Variants in FAM135B observed in about 807,000 individuals in gnomAD.
FAM135B encodes the protein family with sequence similarity 135 member B, also known as protein FAM135B.
FAM135B carries 43 observed loss-of-function variants against 127.7 expected under a neutral mutation model. The ratio of observed to expected loss-of-function variants is 0.34; its 90% CI spans 0.26 to 0.43. The LOEUF (loss-of-function observed/expected upper bound fraction) is 0.43. FAM135B is among the 20% of genes least tolerant of loss of function. The pLI is 1.00. For synonymous variants in FAM135B, 670 were observed against 665.1 expected (o/e 1.01, Z -0.11); for missense variants, 1,558 against 1,725.6 (o/e 0.90, Z 1.72).
At chr8:138,301,226 C>T (rs1048100899) in intron 3 of FAM135B, among the ~76,000 whole-genome samples, 2 of 152,170 alleles carry the variant, frequency 1.3e-5, no homozygotes, top group Admixed American at 6.5e-5. Flanking sequence ...CAGTTCTCCC[C>T]ACACTGATCC....
intron 1 of FAM135B, among the ~76,000 whole-genome samples, chr8:138,422,919 G>T (rs1406658471): frequency 1.3e-5 from 2 of 152,120 alleles, no homozygotes; most frequent in African/African-American, 4.8e-5. Context: ...ATACACCATG[G>T]AATACGATGC....
At position 138,372,648 on chromosome 8, in the gene FAM135B, C is replaced by A. The variant is rs543994153; in HGVS notation, c.-19-4646G>T. ...TGCAATAATTAAAACTATTAACATA[C>A]ATAAGGCACTCAGAATAGAGACTGG... On this transcript the variant is annotated intron_variant, in intron 1 of 19. Transcript: ENST00000395297. Among the ~76,000 whole-genome samples the A allele has an allele frequency of 4.6e-5, 7 of 152,308 alleles. No individual in the cohort carries two copies. The South Asian group carries it at 1.5e-3, about 32-fold the overall frequency.
At position 138,265,136 on chromosome 8, in the gene FAM135B, C is replaced by T. The variant is rs532669308; in HGVS notation, c.297+567G>A. ...TGTTTCCCCTTGTTCGATGCCCTTC[C>T]TCTTTCTTTCTCTGGTGAATTCAGC... On this transcript the variant is annotated intron_variant, in intron 4 of 19. Transcript: ENST00000395297. Among the ~76,000 whole-genome samples, 5 of 152,324 alleles carry T rather than the reference C, an allele frequency of 3.3e-5. No individual in the cohort carries two copies. The South Asian group carries it at 1.0e-3, about 32-fold the overall frequency.
At chr8:138,362,283 C>CA (rs1830473129) in intron 2 of FAM135B, among the ~76,000 whole-genome samples, 1 of 99,180 alleles carries the variant, frequency 1.0e-5, no homozygotes. Context: ...ACCCCCATAT[C>CA]TTTTTTTTTT....
intron 9 of FAM135B, among the ~76,000 whole-genome samples, chr8:138,183,325 C>T (rs1403777813): frequency 6.6e-6 from 1 of 152,134 alleles, no homozygotes; most frequent in Non-Finnish European, 1.5e-5. Context: ...CCCAAGATTA[C>T]AGATAGTAAG....
chr8:138,388,290 T>C (rs985477615), intron 1 of FAM135B, among the ~76,000 whole-genome samples: 2 of 152,196 alleles, frequency 1.3e-5, no homozygotes, highest in African/African-American at 4.8e-5. Flanking sequence ...CATTCACTGC[T>C]GGTGGGAATG....
intron 1 of FAM135B, among the ~76,000 whole-genome samples, chr8:138,386,703 A>G (rs1172552787): frequency 6.6e-6 from 1 of 152,208 alleles, no homozygotes; most frequent in Non-Finnish European, 1.5e-5. Context: ...TAATTTTTTA[A>G]AACAATCTTC....
Position 138,405,095 on chromosome 8 carries a change from CT to C in FAM135B, c.-19-37094del, listed in dbSNP as rs1180652911. Among the ~76,000 whole-genome samples, 3 of 152,140 alleles carry C rather than the reference CT, an allele frequency of 2.0e-5. No homozygotes were observed. In the East Asian group the frequency reaches 5.8e-4, roughly 29 times the overall value. ...AAAACTTGAAAGTCAAAATTACCCC[CT>C]GATCCACGGGTTTCAGAATTGATGT... On this transcript the variant is annotated intron_variant, in intron 1 of 19. Transcript: ENST00000395297.
chr8:138,321,252 A>T (rs751255815), intron 2 of FAM135B, among the ~76,000 whole-genome samples: 15 of 152,148 alleles, frequency 9.9e-5, no homozygotes, highest in Non-Finnish European at 1.8e-4. Flanking sequence ...TTCATTAAAG[A>T]TATAATGTCT....
intron 3 of FAM135B, among the ~76,000 whole-genome samples, chr8:138,268,893 T>C (rs915954608): frequency 6.6e-6 from 1 of 152,154 alleles, no homozygotes; most frequent in Non-Finnish European, 1.5e-5. Flanking sequence ...TCTTCTTTTG[T>C]GGGTGTCAGC....
At chr8:138,229,962 A>G (rs1361992450) in intron 7 of FAM135B, among the ~76,000 whole-genome samples, 2 of 152,204 alleles carry the variant, frequency 1.3e-5, no homozygotes, top group Non-Finnish European at 2.9e-5. Flanking sequence ...GATTATTACA[A>G]TTCAAAGTGA....
chr8:138,313,615 CA>C (rs1195126474), intron 2 of FAM135B, among the ~76,000 whole-genome samples: 1 of 148,468 alleles, frequency 6.7e-6, no homozygotes, highest in Non-Finnish European at 1.5e-5. Flanking sequence ...GTGATCCTCC[CA>C]CTTCGGCTCC....
chr8:138,479,415 C>T (rs146336166), intron 1 of FAM135B, among the ~76,000 whole-genome samples: 9 of 152,194 alleles, frequency 5.9e-5, no homozygotes, highest in African/African-American at 2.2e-4. Context: ...CCACTCCCCT[C>T]GTCTAGGGGC....
chr8:138,486,621 A>G (rs1177289823), intron 1 of FAM135B, among the ~76,000 whole-genome samples: 1 of 152,184 alleles, frequency 6.6e-6, no homozygotes, highest in Non-Finnish European at 1.5e-5. Flanking sequence ...CCTGGCCTCA[A>G]GGAGGAAGAC....
chr8:138,208,510 T>A (rs1817888593), intron 7 of FAM135B, among the ~76,000 whole-genome samples: 1 of 152,182 alleles, frequency 6.6e-6, no homozygotes, highest in African/African-American at 2.4e-5. Context: ...TTCTTTCTGA[T>A]CCCGTTTATT....
chr8:138,159,569 A>G (rs955626069), intron 12 of FAM135B, among the ~76,000 whole-genome samples: 4 of 138,368 alleles, frequency 2.9e-5, no homozygotes, highest in Admixed American at 1.5e-4. Flanking sequence ...ACACCTGGAC[A>G]CAGGGTGGGT....
At chr8:138,401,078 C>T (rs1833129895) in intron 1 of FAM135B, among the ~76,000 whole-genome samples, 1 of 152,144 alleles carries the variant, frequency 6.6e-6, no homozygotes, top group South Asian at 2.1e-4. Context: ...TAAACCTAGG[C>T]AAGCTTTTAT....
At position 138,398,070 on chromosome 8, in the gene FAM135B, G is replaced by T. The variant is rs139019993; in HGVS notation, c.-19-30068C>A. ...ACTCCCTCCGGTCCCAGATGATATA[G>T]ACACAGAGGGAGGCCATGGTCCTGC... On this transcript the variant is annotated intron_variant, in intron 1 of 19. Coordinates refer to ENST00000395297, the MANE Select transcript of FAM135B (RefSeq NM_015912.4). Among the ~76,000 whole-genome samples, 354 of 152,322 alleles carry T rather than the reference G, an allele frequency of 2.3e-3. 1 individual carries two copies. The highest frequency in any genetic ancestry group is 8.2e-3 in the African/African-American group (341 of 41,570).
At chr8:138,182,328 G>A (rs1815126983) in intron 9 of FAM135B, among the ~76,000 whole-genome samples, 1 of 152,310 alleles carries the variant, frequency 6.6e-6, no homozygotes, top group East Asian at 1.9e-4. Flanking sequence ...GCTTGGAAGG[G>A]TTTTTTCCAG....
Sources: allele counts gnomAD v4.1 joint callset (sites outside exome capture counted in the v4.1 genomes callset), GRCh38; gene constraint gnomAD v4.1.1; transcripts MANE v1.5; gene names NCBI Gene and HGNC (gene_info 2026-07-23, HGNC 2026-07-21).